CTBP2: variants seen among roughly 807,000 people sequenced by gnomAD.
CTBP2 encodes the protein C-terminal-binding protein 2.
CTBP2 carries 30 observed loss-of-function variants against 80.3 expected under a neutral mutation model. The ratio of observed to expected loss-of-function variants is 0.37; its 90% CI spans 0.28 to 0.51. CTBP2 has a LOEUF of 0.51. Ranked by LOEUF, CTBP2 falls within the 20% of genes least tolerant of loss-of-function variation. The pLI, the probability that CTBP2 is intolerant of heterozygous loss-of-function variation, is 0.93. For missense variants in CTBP2, 1,212 were observed against 1,375.3 expected (o/e 0.88, Z 1.88); for synonymous variants, 594 against 587.4 (o/e 1.01, Z -0.16).
intron 1 of CTBP2, among the ~76,000 whole-genome samples, chr10:125,022,514 A>AG (rs376388500): frequency 1.5e-5 from 2 of 136,954 alleles, no homozygotes; most frequent in East Asian, 1.9e-4. Flanking sequence ...AAGGAACAGC[A>AG]GGGGACAGGT....
chr10:125,144,746 T>A (rs1462293570), intron 1 of CTBP2, among the ~76,000 whole-genome samples: 1 of 152,254 alleles, frequency 6.6e-6, no homozygotes, highest in African/African-American at 2.4e-5. Flanking sequence ...GTTAAAAACA[T>A]CGACTCTGTG....
intron 1 of CTBP2, among the ~76,000 whole-genome samples, chr10:125,146,868 T>G (rs1236956024): frequency 1.3e-5 from 2 of 151,212 alleles, no homozygotes; most frequent in Non-Finnish European, 2.9e-5. Context: ...TAGTGGGTGC[T>G]CAGTCAGTAT....
intron 1 of CTBP2, among the ~76,000 whole-genome samples, chr10:125,123,299 G>A (rs1474976410): frequency 6.6e-6 from 1 of 152,166 alleles, no homozygotes; most frequent in Non-Finnish European, 1.5e-5. Context: ...ACAGCCAAAT[G>A]AGTGCATGTT....
At position 125,066,382 on chromosome 10, in the gene CTBP2, T is replaced by A. The variant is rs750173437; in HGVS notation, c.-101-27227A>T. 6.6e-6 allele frequency among the ~76,000 whole-genome samples: 1 copy of A among 151,972 alleles called. No individual in the cohort carries two copies. Among genetic ancestry groups the A allele is most frequent in the South Asian group, 2.1e-4 (1 of 4,810 alleles). On this transcript the variant is annotated intron_variant, in intron 2 of 10. Coordinates refer to the CTBP2 transcript ENST00000337195. This position sits in a 1 kb window ranked among gnomAD's most constrained non-coding sequence, Gnocchi z 4.1. ...CATCAAGTCAGAACGTCCCGTGCCT[T>A]CTAAGCAGTCAGGTGCATGCACCAT... is the stretch of plus-strand genomic sequence containing the variant.
At chr10:125,041,499 TCCCCA>T (rs1455412865) in intron 2 of CTBP2, among the ~76,000 whole-genome samples, 32 of 30,356 alleles carry the variant, frequency 1.1e-3, no homozygotes, top group South Asian at 4.1e-3. Context: ...CTTTTGTCCA[TCCCCA>T]CCCCCCCCCC....
intron 2 of CTBP2, among the ~76,000 whole-genome samples, chr10:125,109,381 AC>A (rs1249221038): frequency 7.2e-5 from 11 of 152,280 alleles, no homozygotes; most frequent in Admixed American, 6.5e-4. Flanking sequence ...TGGACCCAGC[AC>A]CCAACACTGG....
At chr10:125,031,761 C>A (rs962313810), upstream of CTBP2, among the ~76,000 whole-genome samples, 1 of 152,218 alleles carries the variant, frequency 6.6e-6, no homozygotes, top group African/African-American at 2.4e-5. Flanking sequence ...TGCACCCTTG[C>A]TTGCACACTG....
intron 2 of CTBP2, among the ~76,000 whole-genome samples, chr10:125,068,869 C>G (rs2135428605): frequency 6.6e-6 from 1 of 152,330 alleles, no homozygotes; most frequent in Non-Finnish European, 1.5e-5. Flanking sequence ...GGGGAATCTG[C>G]CCCTGCTGTC....
intron 2 of CTBP2, among the ~76,000 whole-genome samples, chr10:125,050,816 A>G (rs866472815): frequency 6.6e-6 from 1 of 152,196 alleles, no homozygotes; most frequent in Non-Finnish European, 1.5e-5. Flanking sequence ...AAGTTAGTGG[A>G]AAGAGGTTGC....
At chr10:125,088,053 C>CTGGAA (rs952018409) in intron 2 of CTBP2, 32 of 152,430 alleles carry the variant, frequency 2.1e-4, no homozygotes, top group African/African-American at 7.7e-4. Context: ...ACATCCGGCC[C>CTGGAA]TGGAATCTGA....
intron 3 of CTBP2, chr10:125,001,307 GA>G (rs1221953762): frequency 6.6e-6 from 1 of 152,386 alleles, no homozygotes; most frequent in African/African-American, 2.4e-5. Flanking sequence ...GGAGAAGCAA[GA>G]GGTGCGGGGG....
intron 2 of CTBP2, among the ~76,000 whole-genome samples, chr10:125,077,543 T>C (rs555438055): frequency 2.0e-5 from 3 of 152,182 alleles, no homozygotes; most frequent in Non-Finnish European, 4.4e-5. Flanking sequence ...CAGCCAATAG[T>C]AATCGGTGTG....
At chr10:125,104,011 C>T (rs768019432) in intron 2 of CTBP2, among the ~76,000 whole-genome samples, 3 of 152,178 alleles carry the variant, frequency 2.0e-5, no homozygotes, top group Non-Finnish European at 2.9e-5. Flanking sequence ...ATAGCTGAAC[C>T]GGAAGAGGGA....
intron 2 of CTBP2, among the ~76,000 whole-genome samples, chr10:125,083,578 G>A (rs371583245): frequency 7.9e-5 from 12 of 152,248 alleles, no homozygotes; most frequent in Admixed American, 4.6e-4. Context: ...AGACCATAAC[G>A]CAAAGCCCTC....
rs527993150 is a variant in CTBP2, at chr10:125,041,707, C to A, written c.-101-2552G>T. On this transcript the variant is annotated intron_variant, in intron 2 of 10. Coordinates refer to the CTBP2 transcript ENST00000337195. The stretch of plus-strand genomic sequence containing the variant: ...ATTAATCAGTTAATTTTTGTGAAGA[C>A]CTCGGAGATGAAAAATGACAGCATT... 3.9e-5 allele frequency among the ~76,000 whole-genome samples: 6 copies of A among 152,222 alleles called. No homozygotes were observed. The South Asian group carries it at 1.2e-3, about 32-fold the overall frequency.
rs1315385872 is a variant in CTBP2 at position 125,104,087 on chromosome 10, C to G, written c.-102+6903G>C. Among the ~76,000 whole-genome samples the G allele has an allele frequency of 3.3e-5, 5 of 152,220 alleles. No homozygotes were observed. In the East Asian group the frequency reaches 7.7e-4, roughly 23 times the overall value. On this transcript the variant is annotated intron_variant, in intron 2 of 10. Coordinates refer to the CTBP2 transcript ENST00000337195. ...ATTCGATACCTTCACCACCAATTCT[C>G]GTTTTCCACAAATCCCTATTAAAAG...
intron 1 of CTBP2, among the ~76,000 whole-genome samples, chr10:125,112,287 A>G (rs182318443): frequency 0.032 from 4,900 of 151,544 alleles, 254 homozygotes; most frequent in African/African-American, 0.11. Context: ...TAATTTTTGT[A>G]TTTTTAGTAG....
intron 1 of CTBP2, among the ~76,000 whole-genome samples, chr10:125,006,791 G>T (rs1338669319): frequency 6.6e-6 from 1 of 152,240 alleles, no homozygotes; most frequent in African/African-American, 2.4e-5. Flanking sequence ...CAGGCCCAGT[G>T]GGGCAGGATT....
chr10:125,095,973 G>A (rs1045822911), intron 2 of CTBP2, among the ~76,000 whole-genome samples: 3 of 152,106 alleles, frequency 2.0e-5, no homozygotes, highest in Non-Finnish European at 2.9e-5. Context: ...CGGCCCTAAC[G>A]CAGCCGTTTC....
Sources: allele counts gnomAD v4.1 joint callset (sites outside exome capture counted in the v4.1 genomes callset), GRCh38; gene constraint gnomAD v4.1.1; non-coding constraint Gnocchi (gnomAD v3.1); transcripts MANE v1.5; gene names NCBI Gene and HGNC (gene_info 2026-07-23, HGNC 2026-07-21).